NOPCHAP1: variants seen among roughly 807,000 people sequenced by gnomAD.
NOPCHAP1 encodes the protein NOP protein chaperone 1, also known as DNA damage-sensitive RNA 1.
Under a neutral mutation model 14.0 loss-of-function variants are expected in NOPCHAP1, and 13 were observed. That is an observed-to-expected ratio of 0.93 (90% CI 0.60 to 1.47). The LOEUF is 1.47. Among genes scored for constraint, NOPCHAP1 ranks in the 40% most tolerant of loss-of-function variants. The probability of loss-of-function intolerance (pLI) is 0.00; values close to 1 mark genes in which losing one functional copy is unlikely to be tolerated. For missense variants in NOPCHAP1, 230 were observed against 226.9 expected, an observed-to-expected ratio of 1.01 and a Z score of -0.09; for synonymous variants, 78 against 78.4, an observed-to-expected ratio of 1.00 and a Z score of 0.03.
Position 105,008,092 on chromosome 12 carries a change from GT to G in NOPCHAP1, c.*13398del, listed in dbSNP as rs777827937. 20 of 152,166 alleles carry G rather than the reference GT, an allele frequency of 1.3e-4. No individual in the cohort carries two copies. Among genetic ancestry groups the G allele is most frequent in the Non-Finnish European group, 2.9e-4 (20 of 68,028 alleles). 9.4% of individuals were successfully genotyped at this position (152,166 alleles called of 1,614,324 possible). A position where few individuals can be genotyped will look rare whatever the true frequency, so the allele number is the denominator to read the frequency against. Reference sequence around the variant, plus strand: ...AATTGCCACACTGTCTTCCACAATGGTTGAACTAATTTACAATCCCACCAAC... The same window carrying G: ...AATTGCCACACTGTCTTCCACAATGGTGAACTAATTTACAATCCCACCAAC... On this transcript the variant is annotated 3_prime_UTR_variant, in exon 4 of 4. Coordinates refer to ENST00000552951, the MANE Select transcript of NOPCHAP1 (RefSeq NM_152318.3).
rs1368252786 is a variant in NOPCHAP1, at chr12:104,999,987, G to T, written c.*5291G>T. 1.3e-5 allele frequency: 2 copies of T among 152,352 alleles called. No individual in the cohort carries two copies. Among genetic ancestry groups the T allele is most frequent in the African/African-American group, 4.8e-5 (2 of 41,572 alleles). 9.4% of individuals were successfully genotyped at this position (152,352 alleles called of 1,614,324 possible). ...ATATCCCAGTCTCTTGGTGGCAGAT[G>T]TTCCTTCTGGCTGCATCTAGCTGAT... is the stretch of plus-strand genomic sequence containing the variant. On this transcript the variant is annotated 3_prime_UTR_variant, in exon 4 of 4. Coordinates refer to ENST00000552951, the MANE Select transcript of NOPCHAP1 (RefSeq NM_152318.3).
chr12:104,988,019 T>C (rs1429141939), intron 1 of NOPCHAP1, 148 bp from the exon 2 acceptor site: 1 of 528,580 alleles, frequency 1.9e-6, no homozygotes, highest in African/African-American at 1.9e-5. Flanking sequence ...AATGTTGTAA[T>C]GGAGCTTGGA....
In NOPCHAP1 at chr12:105,011,694, A is replaced by G. The variant is rs900734386; in HGVS notation, c.*16998A>G. 1.3e-5 allele frequency: 2 copies of G among 152,306 alleles called. No individual in the cohort carries two copies. Among genetic ancestry groups the G allele is most frequent in the South Asian group, 2.1e-4 (1 of 4,814 alleles). The allele number at this position is 152,306 out of a possible 1,614,324, so 9.4% of individuals were successfully genotyped here. A position where few individuals can be genotyped will look rare whatever the true frequency, so the allele number is the denominator to read the frequency against. ...TTGTAAGGCAGGCCTGGTGGTGACAAAATCTCTCAGCATTTGCTTGTCTGT... is the reference window on the plus strand; with the variant it reads ...TTGTAAGGCAGGCCTGGTGGTGACAGAATCTCTCAGCATTTGCTTGTCTGT... On this transcript the variant is annotated 3_prime_UTR_variant, in exon 4 of 4. Transcript: ENST00000552951.
chr12:105,006,842 C>A lies in NOPCHAP1; in HGVS notation c.*12146C>A, dbSNP rs1873719247. On this transcript the variant is annotated 3_prime_UTR_variant, in exon 4 of 4. Transcript: ENST00000552951. ...TTTGTTATATAGGTATTTTGTGTGT[C>A]ATAGGGGTTTGGTGTGCAGATTATT... 6.6e-6 allele frequency: 1 copy of A among 150,980 alleles called. No individual in the cohort carries two copies. The highest frequency in any genetic ancestry group is 2.4e-5 in the African/African-American group (1 of 41,080). 9.4% of individuals were successfully genotyped at this position (150,980 alleles called of 1,614,324 possible). A position where few individuals can be genotyped will look rare whatever the true frequency, so the allele number is the denominator to read the frequency against.
Position 105,016,007 on chromosome 12 carries a change from AAG to A in NOPCHAP1, c.*21312_*21313del, listed in dbSNP as rs1873938553. ...AAAGGTTTTTTTTTTTTTTTTTAAA[AAG>A]CATAACATCAAAGCCTAAAATTACA... On this transcript the variant is annotated 3_prime_UTR_variant, in exon 4 of 4. Coordinates refer to ENST00000552951, the MANE Select transcript of NOPCHAP1 (RefSeq NM_152318.3). The A allele has an allele frequency of 4.0e-5, 6 of 151,416 alleles. No homozygotes were observed. The highest frequency in any genetic ancestry group is 1.2e-4 in the African/African-American group (5 of 41,234). The allele number at this position is 151,416 out of a possible 1,614,324, so 9.4% of individuals were successfully genotyped here. A position where few individuals can be genotyped will look rare whatever the true frequency, so the allele number is the denominator to read the frequency against.
rs997502338 is a variant in NOPCHAP1, at chr12:105,011,866, G to A, written c.*17170G>A. 4 of 152,176 alleles carry A rather than the reference G, an allele frequency of 2.6e-5. No homozygotes were observed. The highest frequency in any genetic ancestry group is 9.7e-5 in the African/African-American group (4 of 41,440). The allele number at this position is 152,176 out of a possible 1,614,324, so 9.4% of individuals were successfully genotyped here. On this transcript the variant is annotated 3_prime_UTR_variant, in exon 4 of 4. Coordinates refer to ENST00000552951, the MANE Select transcript of NOPCHAP1 (RefSeq NM_152318.3). ...GTTTCTTCAGAGAGATCCACTGTTA[G>A]TCTGATGGGCTTCCCTTTTTGGGTA...
intron 1 of NOPCHAP1, 138 bp downstream of exon 1, chr12:104,986,605 T>C (rs563275099): frequency 7.4e-6 from 5 of 678,280 alleles, no homozygotes; most frequent in South Asian, 2.4e-5. Context: ...GCTGCGGGGC[T>C]CCGGCGTGCC....
Position 105,007,086 on chromosome 12 carries a change from G to A in NOPCHAP1, c.*12390G>A, listed in dbSNP as rs141078738. The A allele has an allele frequency of 2.7e-4, 41 of 150,048 alleles. No homozygotes were observed. Among genetic ancestry groups the A allele is most frequent in the African/African-American group, 7.1e-4 (29 of 40,746 alleles). 9.3% of individuals were successfully genotyped at this position (150,048 alleles called of 1,614,324 possible). A position where few individuals can be genotyped will look rare whatever the true frequency, so the allele number is the denominator to read the frequency against. On this transcript the variant is annotated 3_prime_UTR_variant, in exon 4 of 4. Coordinates refer to ENST00000552951, the MANE Select transcript of NOPCHAP1 (RefSeq NM_152318.3). ...TATCAAAGCATCTTATGCTGGCATT[G>A]AATTATCCAGCTTTAGACCCTTCAC...
In NOPCHAP1 at chr12:105,002,627, G is replaced by T. The variant is rs553514384; in HGVS notation, c.*7931G>T. The T allele has an allele frequency of 4.1e-4, 62 of 152,304 alleles. No individual in the cohort carries two copies. Among genetic ancestry groups the T allele is most frequent in the African/African-American group, 1.4e-3 (60 of 41,572 alleles). 9.4% of individuals were successfully genotyped at this position (152,304 alleles called of 1,614,324 possible). On this transcript the variant is annotated 3_prime_UTR_variant, in exon 4 of 4. Coordinates refer to ENST00000552951, the MANE Select transcript of NOPCHAP1 (RefSeq NM_152318.3). ...TCTAGGTCTCATTGGCCCTACTCTT[G>T]ATGAGGTTTTGGGGGAGTCTTTAAT...
In NOPCHAP1 at chr12:104,998,744, G is replaced by A. The variant is rs570541295; in HGVS notation, c.*4048G>A. 1 of 153,348 alleles carries A rather than the reference G, an allele frequency of 6.5e-6. No individual in the cohort carries two copies. Among genetic ancestry groups the A allele is most frequent in the African/African-American group, 2.4e-5 (1 of 41,590 alleles). 9.5% of individuals were successfully genotyped at this position (153,348 alleles called of 1,614,324 possible). On this transcript the variant is annotated 3_prime_UTR_variant, in exon 4 of 4. Transcript: ENST00000552951. Reference sequence around the variant, plus strand: ...GTTGCAAGGGTGCTGTTTTTGTGCAGGCATTTGTAGTGGCTGTGGTGTTAG... The same window carrying A: ...GTTGCAAGGGTGCTGTTTTTGTGCAAGCATTTGTAGTGGCTGTGGTGTTAG...
rs1565937451 is a variant in NOPCHAP1, at chr12:104,986,344, GAGGGAAGCATGGAGGTCC to G, written c.-7_11del. The G allele has an allele frequency of 6.2e-7, 1 of 1,602,938 alleles. No individual in the cohort carries two copies. Among genetic ancestry groups the G allele is most frequent in the African/African-American group, 1.3e-5 (1 of 74,620 alleles). Reference sequence around the variant, plus strand: ...CATCCGGGCCTGAGAGTGCAGGCTTGAGGGAAGCATGGAGGTCCATGGCAAGCCCAAGGCTAGCCCGAG... The same window carrying G: ...CATCCGGGCCTGAGAGTGCAGGCTTGATGGCAAGCCCAAGGCTAGCCCGAG... On this transcript the variant is annotated start_lost and 5_prime_UTR_variant, in exon 1 of 4. Coordinates refer to ENST00000552951, the MANE Select transcript of NOPCHAP1 (RefSeq NM_152318.3).
Position 104,988,868 on chromosome 12 carries a change from A to G in NOPCHAP1, c.202+615A>G, listed in dbSNP as rs187652703. On this transcript the variant is annotated intron_variant, in intron 2 of 3. Coordinates refer to ENST00000552951, the MANE Select transcript of NOPCHAP1 (RefSeq NM_152318.3). The stretch of plus-strand genomic sequence containing the variant: ...GAAAGGAGAATTTAACTGTAGCATC[A>G]TTACTGTAGCACTAAATCTACAATA... Among the ~76,000 whole-genome samples, 3 of 152,268 alleles carry G rather than the reference A, an allele frequency of 2.0e-5. No individual in the cohort carries two copies. In the East Asian group the frequency reaches 5.8e-4, roughly 29 times the overall value.
At chr12:104,986,587 C>G (rs938880488) in intron 1 of NOPCHAP1, 120 bp downstream of exon 1, 43 of 802,892 alleles carry the variant, frequency 5.4e-5, no homozygotes, top group Non-Finnish European at 7.1e-5. Context: ...AGGGGAGCCC[C>G]GGGGACTGCT....
intron 3 of NOPCHAP1, among the ~76,000 whole-genome samples, chr12:104,994,197 T>C (rs1873443361): frequency 6.6e-6 from 1 of 151,994 alleles, no homozygotes; most frequent in Non-Finnish European, 1.5e-5. Context: ...ATACAAAAAT[T>C]AGCTGGATGT....
rs982232993 is a variant in NOPCHAP1 at position 104,998,163 on chromosome 12, TC to T, written c.*3469del. On this transcript the variant is annotated 3_prime_UTR_variant, in exon 4 of 4. Transcript: ENST00000552951. ...TATCCTGTATGTTGATGATCTTCAT[TC>T]CTGTCTATATTCTGAATTTTATTTC... 1 of 152,406 alleles carries T rather than the reference TC, an allele frequency of 6.6e-6. No homozygotes were observed. The highest frequency in any genetic ancestry group is 2.4e-5 in the African/African-American group (1 of 41,470). 9.4% of individuals were successfully genotyped at this position (152,406 alleles called of 1,614,324 possible). A position where few individuals can be genotyped will look rare whatever the true frequency, so the allele number is the denominator to read the frequency against.
rs1233107123 is a variant in NOPCHAP1 at position 105,012,012 on chromosome 12, A to G, written c.*17316A>G. ...GGAATATCTTCATGGTGTTCTCTGTATTTCCTGAATTTGAATGTTGGCCTG... is the reference window on the plus strand; with the variant it reads ...GGAATATCTTCATGGTGTTCTCTGTGTTTCCTGAATTTGAATGTTGGCCTG... On this transcript the variant is annotated 3_prime_UTR_variant, in exon 4 of 4. Transcript: ENST00000552951. The G allele has an allele frequency of 6.6e-6, 1 of 152,070 alleles. No homozygotes were observed. The highest frequency in any genetic ancestry group is 1.5e-5 in the Non-Finnish European group (1 of 68,010). 9.4% of individuals were successfully genotyped at this position (152,070 alleles called of 1,614,324 possible). A position where few individuals can be genotyped will look rare whatever the true frequency, so the allele number is the denominator to read the frequency against.
rs1261401667 is a variant in NOPCHAP1 at position 104,994,504 on chromosome 12, G to A, written c.366G>A (p.Gln122=). 15 of 1,613,984 alleles carry A rather than the reference G, an allele frequency of 9.3e-6. No individual in the cohort carries two copies. The highest frequency in any genetic ancestry group is 1.2e-5 in the Non-Finnish European group (14 of 1,179,960). The change falls in exon 4 of 4, where the codon CAG becomes CAA. Residue 122 remains glutamine (Q), a synonymous_variant. Coordinates refer to ENST00000552951, the MANE Select transcript of NOPCHAP1 (RefSeq NM_152318.3). ...QMDVALFEMN[Q]SDSKEVDSSE... The stretch of plus-strand genomic sequence containing the variant: ...ATGTGGCTTTGTTTGAGATGAATCA[G>A]TCGGATTCAAAAGAAGTGGACAGTT...
chr12:104,987,025 G>T (rs1462856940), intron 1 of NOPCHAP1, among the ~76,000 whole-genome samples: 1 of 152,154 alleles, frequency 6.6e-6, no homozygotes, highest in African/African-American at 2.4e-5. Context: ...ATTAACTGGT[G>T]GGACTTAGAG....
At position 104,995,543 on chromosome 12, in the gene NOPCHAP1, C is replaced by G. The variant is rs912706664; in HGVS notation, c.*847C>G. The G allele has an allele frequency of 6.6e-6, 1 of 152,194 alleles. No individual in the cohort carries two copies. Among genetic ancestry groups the G allele is most frequent in the Non-Finnish European group, 1.5e-5 (1 of 68,054 alleles). 9.4% of individuals were successfully genotyped at this position (152,194 alleles called of 1,614,324 possible). A position where few individuals can be genotyped will look rare whatever the true frequency, so the allele number is the denominator to read the frequency against. ...TGCTTTCAGAGGGTGGCTCCTACCC[C>G]AGGAGGTCTGGTTGGTCATAAAATA... On this transcript the variant is annotated 3_prime_UTR_variant, in exon 4 of 4. Coordinates refer to ENST00000552951, the MANE Select transcript of NOPCHAP1 (RefSeq NM_152318.3).
Sources: gnomAD v4.1 joint callset for allele counts (sites outside exome capture counted in the v4.1 genomes callset) on GRCh38, gnomAD v4.1.1 for gene constraint, MANE v1.5 for transcripts, NCBI Gene and HGNC (gene_info 2026-07-23, HGNC 2026-07-21) for gene names.